The following POLDIP3 variants were observed in gnomAD, a reference collection of about 807,000 sequenced individuals.
POLDIP3 encodes the protein DNA polymerase delta interacting protein 3, also known as polymerase delta-interacting protein 3.
Under a neutral mutation model 45.1 loss-of-function variants are expected in POLDIP3, and 14 were observed. The observed-to-expected ratio is 0.31, with a 90% CI of 0.20 to 0.49. POLDIP3 has a LOEUF of 0.49. POLDIP3 is among the 20% of genes least tolerant of loss of function. The pLI, the probability that POLDIP3 is intolerant of heterozygous loss-of-function variation, is 0.99. For missense variants in POLDIP3, 511 were observed against 538.8 expected (o/e 0.95, Z 0.51); for synonymous variants, 223 against 205.2 (o/e 1.09, Z -0.74).
chr22:42,595,638 C>T, intron 5 of POLDIP3, 24 bp from the exon 6 acceptor site: 3 of 1,604,646 alleles, frequency 1.9e-6, no homozygotes, highest in South Asian at 1.1e-5. Flanking sequence ...AAGAGCATTA[C>T]CAGAAGCCAG....
intron 4 of POLDIP3, 102 bp downstream of exon 4, chr22:42,599,596 A>C: frequency 2.3e-6 from 2 of 853,672 alleles, no homozygotes; most frequent in South Asian, 2.9e-5. Flanking sequence ...GAGAAGAGCG[A>C]GATGTCGTCT....
At chr22:42,611,015 A>T (rs1840711025) in intron 1 of POLDIP3, among the ~76,000 whole-genome samples, 1 of 152,180 alleles carries the variant, frequency 6.6e-6, no homozygotes, top group African/African-American at 2.4e-5. Flanking sequence ...AAGTCACTGG[A>T]GATGTGCTGT....
At chr22:42,606,133 C>T (rs1003192989) in intron 1 of POLDIP3, among the ~76,000 whole-genome samples, 3 of 151,942 alleles carry the variant, frequency 2.0e-5, no homozygotes, top group African/African-American at 4.8e-5. Flanking sequence ...CAGAGCAAGA[C>T]TCTGTTTCAA....
chr22:42,598,249 ATTT>A (rs34265457), intron 4 of POLDIP3, among the ~76,000 whole-genome samples: 470 of 90,824 alleles, frequency 5.2e-3, no homozygotes, highest in African/African-American at 0.02. Flanking sequence ...CACCCCGGAT[ATTT>A]TTTTTTTTTT....
chr22:42,613,329 A>G (rs1412075920), intron 1 of POLDIP3, among the ~76,000 whole-genome samples: 2 of 152,222 alleles, frequency 1.3e-5, no homozygotes, highest in African/African-American at 4.8e-5. Context: ...CAAGCCAGGT[A>G]AGTGCTGGCT....
chr22:42,596,390 C>G, intron 4 of POLDIP3, 25 bp from the exon 5 acceptor site: 1 of 1,607,274 alleles, frequency 6.2e-7, no homozygotes, highest in Non-Finnish European at 8.5e-7. Context: ...AGAAAAGAAT[C>G]TGAGAAGCCA....
intron 1 of POLDIP3, among the ~76,000 whole-genome samples, chr22:42,606,043 G>T (rs956631547): frequency 6.6e-6 from 1 of 152,196 alleles, no homozygotes; most frequent in East Asian, 1.9e-4. Context: ...TCGGAAGGCT[G>T]AGGCAGGAGA....
chr22:42,586,214 C>T (rs2044394786), intron 8 of POLDIP3, among the ~76,000 whole-genome samples: 1 of 152,008 alleles, frequency 6.6e-6, no homozygotes, highest in Admixed American at 6.6e-5. Flanking sequence ...TACCACCATG[C>T]CTGGCTCATT....
At chr22:42,605,284 C>T (rs187304580) in intron 1 of POLDIP3, among the ~76,000 whole-genome samples, 12 of 152,326 alleles carry the variant, frequency 7.9e-5, no homozygotes, top group African/African-American at 1.9e-4. Context: ...CCCGCCACCA[C>T]GGCCGGCTAA....
chr22:42,601,126 T>C (rs1926340209), intron 3 of POLDIP3, among the ~76,000 whole-genome samples: 1 of 152,002 alleles, frequency 6.6e-6, no homozygotes, highest in African/African-American at 2.4e-5. Flanking sequence ...TAAGGAACTA[T>C]GGCAAAATTT....
intron 2 of POLDIP3, among the ~76,000 whole-genome samples, chr22:42,602,398 G>A (rs1926449248): frequency 6.6e-6 from 1 of 152,176 alleles, no homozygotes; most frequent in African/African-American, 2.4e-5. Context: ...TGGACTAGGG[G>A]CCAAATCCCA....
At chr22:42,599,667 A>G (rs373951040) in intron 4 of POLDIP3, 31 bp downstream of exon 4, 4 of 1,490,372 alleles carry the variant, frequency 2.7e-6, no homozygotes, top group Admixed American at 1.7e-5. Context: ...CTGATCAGAC[A>G]CGCAGTGTAA....
chr22:42,608,259 C>CA (rs1219446583), intron 1 of POLDIP3, among the ~76,000 whole-genome samples: 3 of 130,652 alleles, frequency 2.3e-5, no homozygotes, highest in African/African-American at 9.4e-5. Flanking sequence ...CCTTACCCCC[C>CA]CCCCCAAAAA....
chr22:42,583,826 C>T lies in POLDIP3; in HGVS notation c.*1965G>A, dbSNP rs1221430430. On this transcript the variant is annotated 3_prime_UTR_variant, in exon 9 of 9. Coordinates refer to ENST00000252115, the MANE Select transcript of POLDIP3 (RefSeq NM_032311.5). ...CTGCACAGGAGACACAGATGGGTAA[C>T]ATAGAGGCATGGGAAGTGGAGGAGG... 6.6e-6 allele frequency: 1 copy of T among 152,164 alleles called. No individual in the cohort carries two copies. The highest frequency in any genetic ancestry group is 2.4e-5 in the African/African-American group (1 of 41,260). The allele number at this position is 152,164 out of a possible 1,614,324, so 9.4% of individuals were successfully genotyped here. A position where few individuals can be genotyped will look rare whatever the true frequency, so the allele number is the denominator to read the frequency against.
chr22:42,584,919 G>T lies in POLDIP3; in HGVS notation c.*872C>A. The T allele has an allele frequency of 2.2e-6, 1 of 456,268 alleles. No homozygotes were observed. The highest frequency in any genetic ancestry group is 6.9e-5 in the East Asian group (1 of 14,396). 28.3% of individuals were successfully genotyped at this position (456,268 alleles called of 1,614,324 possible). On this transcript the variant is annotated 3_prime_UTR_variant, in exon 9 of 9. Coordinates refer to ENST00000252115, the MANE Select transcript of POLDIP3 (RefSeq NM_032311.5). ...CTCCAAACCCAAGCACTGCACAATG[G>T]GAGGCTGAGCCTTTCAAAGGCCCAA...
At chr22:42,604,711 AC>A (rs1204452554) in intron 1 of POLDIP3, among the ~76,000 whole-genome samples, 3 of 152,208 alleles carry the variant, frequency 2.0e-5, no homozygotes, top group Non-Finnish European at 2.9e-5. Flanking sequence ...AGGTGAGTCT[AC>A]CTGGTACCAA....
chr22:42,591,110 A>G (rs1925643238), intron 7 of POLDIP3, among the ~76,000 whole-genome samples: 1 of 151,442 alleles, frequency 6.6e-6, no homozygotes, highest in Non-Finnish European at 1.5e-5. Flanking sequence ...AATAAAAATA[A>G]AAAAAAGAAA....
Position 42,599,724 on chromosome 22 carries a change from C to G in POLDIP3, c.607G>C (p.Ala203Pro). The G allele has an allele frequency of 6.2e-7, 1 of 1,611,818 alleles. No individual in the cohort carries two copies. ...SVPTKQMKFA[A>P]SGGFLHHMAG... ...ATGTGGTGGAGAAAGCCGCCTGAGGCTGCAAACTTCATCTGTTTAGTAGGA... is the reference window on the plus strand; with the variant it reads ...ATGTGGTGGAGAAAGCCGCCTGAGGGTGCAAACTTCATCTGTTTAGTAGGA... Residue 203 changes from alanine to proline, a missense_variant, in exon 4 of 9, where the codon GCC becomes CCC. Transcript: ENST00000252115.
At chr22:42,607,261 A>G (rs1601906092) in intron 1 of POLDIP3, among the ~76,000 whole-genome samples, 1 of 152,044 alleles carries the variant, frequency 6.6e-6, no homozygotes, top group African/African-American at 2.4e-5. Flanking sequence ...GCAGGCGCGC[A>G]CCGCCATGCC....
Sources: allele counts gnomAD v4.1 joint callset (sites outside exome capture counted in the v4.1 genomes callset), GRCh38; gene constraint gnomAD v4.1.1; transcripts MANE v1.5; gene names NCBI Gene and HGNC (gene_info 2026-07-23, HGNC 2026-07-21).